Variants in RAP1GDS1 observed in about 807,000 individuals in gnomAD.
RAP1GDS1 encodes the protein Rap1 GTPase-GDP dissociation stimulator 1.
Under a neutral mutation model 71.1 loss-of-function variants are expected in RAP1GDS1, and 35 were observed. The ratio of observed to expected loss-of-function variants is 0.49; its 90% CI spans 0.38 to 0.65. The LOEUF (loss-of-function observed/expected upper bound fraction) is 0.65. Among genes scored for constraint, RAP1GDS1 ranks in the 30% least tolerant of loss-of-function variants. The probability of loss-of-function intolerance (pLI) is 0.00; values close to 1 mark genes in which losing one functional copy is unlikely to be tolerated. For synonymous variants in RAP1GDS1, 229 were observed against 243.1 expected, an observed-to-expected ratio of 0.94 and a Z score of 0.54; for missense variants, 663 against 706.1, an observed-to-expected ratio of 0.94 and a Z score of 0.69.
At chr4:98,400,270 C>G (rs975549114) in intron 6 of RAP1GDS1, among the ~76,000 whole-genome samples, 1 of 151,976 alleles carries the variant, frequency 6.6e-6, no homozygotes, top group Non-Finnish European at 1.5e-5. Flanking sequence ...CCCATGTTTA[C>G]TGCAGCACTG....
At chr4:98,419,261 C>G (rs1328707596) in intron 10 of RAP1GDS1, among the ~76,000 whole-genome samples, 2 of 151,970 alleles carry the variant, frequency 1.3e-5, no homozygotes, top group Non-Finnish European at 2.9e-5. Context: ...ACTATGTTGC[C>G]TAGGCTGGTC....
At chr4:98,382,886 A>G (rs1457208315) in intron 5 of RAP1GDS1, among the ~76,000 whole-genome samples, 1 of 151,670 alleles carries the variant, frequency 6.6e-6, no homozygotes, top group Non-Finnish European at 1.5e-5. Context: ...TCTACGTATG[A>G]TACATGGTGG....
chr4:98,339,318 T>G (rs763924082), intron 2 of RAP1GDS1, among the ~76,000 whole-genome samples: 5 of 152,162 alleles, frequency 3.3e-5, no homozygotes, highest in Non-Finnish European at 5.9e-5. Flanking sequence ...GATACTATTT[T>G]AAAGTAGCAA....
chr4:98,424,033 T>C (rs1335934313), intron 12 of RAP1GDS1, among the ~76,000 whole-genome samples: 1 of 152,088 alleles, frequency 6.6e-6, no homozygotes, highest in African/African-American at 2.4e-5. Flanking sequence ...GCAGCGAGGA[T>C]GGAAAAGAAG....
chr4:98,264,321 G>A (rs368164216), intron 1 of RAP1GDS1, among the ~76,000 whole-genome samples: 108 of 152,094 alleles, frequency 7.1e-4, no homozygotes, highest in Non-Finnish European at 1.2e-3. Context: ...ACTTGAACCC[G>A]GGAGGCGGAG....
At chr4:98,284,591 C>A (rs1028631196) in intron 1 of RAP1GDS1, among the ~76,000 whole-genome samples, 7 of 152,084 alleles carry the variant, frequency 4.6e-5, no homozygotes, top group Non-Finnish European at 8.8e-5. Flanking sequence ...TTTAGAACTT[C>A]CTACCACTCA....
At position 98,407,209 on chromosome 4, in the gene RAP1GDS1, T is replaced by G. The variant is rs555641569; in HGVS notation, c.763+2607T>G. On this transcript the variant is annotated intron_variant, in intron 7 of 14. Transcript: ENST00000408927. ...GGTAGCAGCTATAATGTCACCTTTA[T>G]TGTTTCTGATTGTACTTATTTGAAT... Among the ~76,000 whole-genome samples the G allele has an allele frequency of 3.5e-4, 53 of 152,278 alleles. 1 individual carries two copies. In the South Asian group the frequency reaches 0.011, roughly 32 times the overall value.
At chr4:98,392,943 G>A (rs1304318533) in intron 6 of RAP1GDS1, among the ~76,000 whole-genome samples, 1 of 152,036 alleles carries the variant, frequency 6.6e-6, no homozygotes, top group African/African-American at 2.4e-5. Context: ...ATAACACAGA[G>A]GAGGATGATG....
chr4:98,392,180 T>C, intron 6 of RAP1GDS1, 100 bp downstream of exon 6: 1 of 1,123,838 alleles, frequency 8.9e-7, no homozygotes, highest in South Asian at 2.0e-5. Context: ...ATTTAGATTG[T>C]ATTAGTTTAT....
chr4:98,399,983 T>G (rs935746896), intron 6 of RAP1GDS1, among the ~76,000 whole-genome samples: 1 of 151,964 alleles, frequency 6.6e-6, no homozygotes, highest in Non-Finnish European at 1.5e-5. Context: ...AGGGAAACCA[T>G]CTCTGCAAAA....
chr4:98,295,957 C>T (rs1433279541), intron 2 of RAP1GDS1, among the ~76,000 whole-genome samples: 1 of 151,864 alleles, frequency 6.6e-6, no homozygotes, highest in Non-Finnish European at 1.5e-5. Context: ...GTGATTGAGC[C>T]ATTGCTACTT....
chr4:98,300,224 C>A (rs1728375145), intron 2 of RAP1GDS1, among the ~76,000 whole-genome samples: 1 of 152,132 alleles, frequency 6.6e-6, no homozygotes, highest in African/African-American at 2.4e-5. Context: ...GGTTAGTCAG[C>A]AACATTCAGC....
chr4:98,357,801 T>A (rs1738168564), intron 4 of RAP1GDS1, among the ~76,000 whole-genome samples: 1 of 151,946 alleles, frequency 6.6e-6, no homozygotes, highest in Admixed American at 6.6e-5. Context: ...GTATTGCAAA[T>A]GAATGTGATT....
At chr4:98,306,057 C>T (rs1412284424) in intron 2 of RAP1GDS1, among the ~76,000 whole-genome samples, 1 of 152,104 alleles carries the variant, frequency 6.6e-6, no homozygotes, top group Admixed American at 6.6e-5. Flanking sequence ...GTCTTTCTAA[C>T]ATTATTTTTC....
At chr4:98,378,337 C>T (rs1741482878) in intron 4 of RAP1GDS1, among the ~76,000 whole-genome samples, 1 of 151,786 alleles carries the variant, frequency 6.6e-6, no homozygotes, top group Non-Finnish European at 1.5e-5. Context: ...CATCACTTGA[C>T]CACTTTTTGT....
intron 3 of RAP1GDS1, 120 bp from the exon 4 acceptor site, chr4:98,352,356 C>G (rs1370975971): frequency 1.9e-6 from 2 of 1,066,746 alleles, no homozygotes; most frequent in Non-Finnish European, 1.3e-6. Flanking sequence ...ATTCAGCCAC[C>G]TTTTCAAGGT....
At position 98,280,079 on chromosome 4, in the gene RAP1GDS1, G is replaced by C. The variant is rs1334490459; in HGVS notation, c.5-13329G>C. 2.6e-5 allele frequency among the ~76,000 whole-genome samples: 4 copies of C among 152,314 alleles called. No homozygotes were observed. The East Asian group carries it at 7.7e-4, about 29-fold the overall frequency. Reference sequence around the variant, plus strand: ...TGCCGCAATAAACATACATGTGCATGTGTCTTTATAGTAGCATAATTTATA... The same window carrying C: ...TGCCGCAATAAACATACATGTGCATCTGTCTTTATAGTAGCATAATTTATA... On this transcript the variant is annotated intron_variant, in intron 1 of 14. Transcript: ENST00000408927.
At chr4:98,424,990 G>T (rs775800780) in intron 12 of RAP1GDS1, among the ~76,000 whole-genome samples, 3 of 152,150 alleles carry the variant, frequency 2.0e-5, no homozygotes, top group Non-Finnish European at 2.9e-5. Context: ...TGAAGCAAAA[G>T]CACGAGGTAA....
intron 4 of RAP1GDS1, among the ~76,000 whole-genome samples, chr4:98,355,229 G>A (rs1376081412): frequency 6.6e-6 from 1 of 151,936 alleles, no homozygotes; most frequent in Non-Finnish European, 1.5e-5. Flanking sequence ...TTCACTCTCG[G>A]GAATGTAATG....
Sources: allele counts gnomAD v4.1 joint callset (sites outside exome capture counted in the v4.1 genomes callset), GRCh38; gene constraint gnomAD v4.1.1; transcripts MANE v1.5; gene names NCBI Gene and HGNC (gene_info 2026-07-23, HGNC 2026-07-21).